Variants in SECISBP2 observed in about 807,000 individuals in gnomAD.
SECISBP2 encodes selenocysteine insertion sequence-binding protein 2.
Under a neutral mutation model 98.2 loss-of-function variants are expected in SECISBP2, and 96 were observed. That is an observed-to-expected ratio of 0.98 (90% CI 0.83 to 1.16). The LOEUF (loss-of-function observed/expected upper bound fraction) is 1.16. SECISBP2 is among the 50% of genes most tolerant of loss of function. The pLI is 0.00. For missense variants in SECISBP2, 1,046 were observed against 1,022.9 expected, an observed-to-expected ratio of 1.02 and a Z score of -0.31; for synonymous variants, 407 against 370.2, an observed-to-expected ratio of 1.10 and a Z score of -1.14.
At chr9:89,347,762 A>T (rs981360407) in intron 11 of SECISBP2, among the ~76,000 whole-genome samples, 1 of 152,038 alleles carries the variant, frequency 6.6e-6, no homozygotes, top group African/African-American at 2.4e-5. Flanking sequence ...ATGAGCCATC[A>T]CGCCCAGCCT....
chr9:89,356,972 C>G, intron 14 of SECISBP2: 1 of 285,314 alleles, frequency 3.5e-6, no homozygotes, highest in Non-Finnish European at 6.8e-6. Flanking sequence ...GGTCCCTGGC[C>G]CAGAAGCAGG....
At chr9:89,340,016 T>C in intron 9 of SECISBP2, 63 bp downstream of exon 9, 1 of 1,233,158 alleles carries the variant, frequency 8.1e-7, no homozygotes. Flanking sequence ...AACTAAATGC[T>C]TGAGAAAAAC....
intron 8 of SECISBP2, among the ~76,000 whole-genome samples, chr9:89,339,195 T>G (rs751094713): frequency 6.6e-6 from 1 of 152,250 alleles, no homozygotes; most frequent in African/African-American, 2.4e-5. Context: ...CCGAAGGCTC[T>G]CTCAGAGGTG....
intron 2 of SECISBP2, 161 bp from the exon 3 acceptor site, chr9:89,325,266 A>G: frequency 1.5e-6 from 1 of 669,908 alleles, no homozygotes; most frequent in Non-Finnish European, 2.5e-6. Context: ...GTGAGAAAGA[A>G]ACACCCAGAG....
At chr9:89,355,165 GTTC>G (rs959575412) in intron 14 of SECISBP2, 64 of 985,336 alleles carry the variant, frequency 6.5e-5, no homozygotes, top group Admixed American at 1.2e-4. Context: ...CATTGGAGAA[GTTC>G]TTCTCTTGAA....
downstream of SECISBP2, chr9:89,360,775 C>G (rs750990623): frequency 1.3e-5 from 2 of 152,088 alleles, no homozygotes; most frequent in Non-Finnish European, 2.9e-5. Flanking sequence ...GCGCCAAGTA[C>G]AGTCATTTAA....
chr9:89,333,935 T>TCG lies in SECISBP2; in HGVS notation c.881-586_881-585insGC. On this transcript the variant is annotated intron_variant, in intron 6 of 16. Coordinates refer to ENST00000375807, the MANE Select transcript of SECISBP2 (RefSeq NM_024077.5). ...TGTAGTTCTCTAGTGAGGGGAACAG[T>TCG]CTGTTTTACCCTTGGGGGTAGCCAC... 10 of 713,718 alleles carry TCG rather than the reference T, an allele frequency of 1.4e-5. No individual in the cohort carries two copies. In the South Asian group the frequency reaches 1.8e-4, roughly 13 times the overall value. 44.2% of individuals were successfully genotyped at this position (713,718 alleles called of 1,614,324 possible).
chr9:89,336,481 T>C (rs572480530), intron 7 of SECISBP2, among the ~76,000 whole-genome samples: 1 of 152,326 alleles, frequency 6.6e-6, no homozygotes, highest in South Asian at 2.1e-4. Context: ...AATGGTTTCC[T>C]GTCTTTTTGA....
chr9:89,335,811 A>G (rs1348310171), intron 7 of SECISBP2, among the ~76,000 whole-genome samples: 1 of 152,204 alleles, frequency 6.6e-6, no homozygotes, highest in African/African-American at 2.4e-5. Flanking sequence ...ATATCGACTT[A>G]AAATATCTGT....
intron 4 of SECISBP2, 59 bp from the exon 5 acceptor site, chr9:89,328,601 A>G: frequency 5.7e-6 from 8 of 1,410,192 alleles, no homozygotes; most frequent in East Asian, 2.3e-5. Flanking sequence ...TTTTGCTTGC[A>G]TACTGGTCAT....
rs1826630090 is a variant in SECISBP2, at chr9:89,326,003, A to G, written c.539A>G (p.His180Arg). ...SEIKSARGSH[H>R]LSIYAENSLK... Reference sequence around the variant, plus strand: ...ATAAAATCAGCTAGAGGTTCACATCATTTGTCCATTTACGCTGAGAATAGT... The same window carrying G: ...ATAAAATCAGCTAGAGGTTCACATCGTTTGTCCATTTACGCTGAGAATAGT... The change falls in exon 4 of 17, where the codon CAT becomes CGT. Residue 180 changes from histidine (H) to arginine (R), a missense_variant. Coordinates refer to ENST00000375807, the MANE Select transcript of SECISBP2 (RefSeq NM_024077.5). The G allele has an allele frequency of 6.2e-7, 1 of 1,613,718 alleles. No homozygotes were observed. The highest frequency in any genetic ancestry group is 8.5e-7 in the Non-Finnish European group (1 of 1,180,028).
chr9:89,340,582 A>C (rs1391893631), intron 9 of SECISBP2, among the ~76,000 whole-genome samples: 1 of 152,226 alleles, frequency 6.6e-6, no homozygotes, highest in Non-Finnish European at 1.5e-5. Context: ...GTTAACTTTC[A>C]ATTCAATGTT....
At chr9:89,364,708 C>CA in the SECISBP2 span, 7,737 of 153,374 alleles carry the variant, frequency 0.05, 259 homozygotes, top group South Asian at 0.096. Flanking sequence ...CACACACACT[C>CA]AGACCATCTG....
chr9:89,340,101 G>A lies in SECISBP2; in HGVS notation c.1302+148G>A, dbSNP rs912794221. ...TTCCTTCATGAGAGAACTGCACCCA[G>A]CATGTTGAAACAGAATTGCTCTTAA... On this transcript the variant is annotated intron_variant, in intron 9 of 16. Transcript: ENST00000375807. The A allele has an allele frequency of 8.7e-5, 55 of 635,582 alleles. No homozygotes were observed. The South Asian group carries it at 9.0e-4, about 10-fold the overall frequency. The allele number at this position is 635,582 out of a possible 1,614,324, so 39.4% of individuals were successfully genotyped here.
In SECISBP2 at chr9:89,319,546, C is replaced by T. The variant is rs566112725; in HGVS notation, c.37-106C>T. The T allele has an allele frequency of 8.7e-5, 112 of 1,286,300 alleles. 1 individual carries two copies. In the South Asian group the frequency reaches 1.3e-3, roughly 15 times the overall value. 79.7% of individuals were successfully genotyped at this position (1,286,300 alleles called of 1,614,324 possible). A position where few individuals can be genotyped will look rare whatever the true frequency, so the allele number is the denominator to read the frequency against. The stretch of plus-strand genomic sequence containing the variant: ...CGAGGCAGAAGTTTTTAAACAACAT[C>T]GGGAACATTTCTGGGGCTATTAGGA... On this transcript the variant is annotated intron_variant, in intron 1 of 16. Coordinates refer to ENST00000375807, the MANE Select transcript of SECISBP2 (RefSeq NM_024077.5).
downstream of SECISBP2, chr9:89,362,332 G>A: frequency 1.2e-6 from 2 of 1,613,754 alleles, no homozygotes; most frequent in South Asian, 2.2e-5. Context: ...CTTCTCCGGG[G>A]GTGGCTGTGG....
At chr9:89,362,462 G>A (rs1832842248), downstream of SECISBP2, 1 of 1,613,990 alleles carries the variant, frequency 6.2e-7, no homozygotes, top group African/African-American at 1.3e-5. Context: ...AATCCTTGGT[G>A]GAACGGATGG....
chr9:89,362,167 G>C, downstream of SECISBP2: 1 of 617,950 alleles, frequency 1.6e-6, no homozygotes, highest in Non-Finnish European at 2.8e-6. Flanking sequence ...ACTGTCCCAG[G>C]TAAGCACCTA....
intron 2 of SECISBP2, 186 bp from the exon 3 acceptor site, chr9:89,325,241 A>G (rs1826488359): frequency 3.2e-6 from 2 of 616,412 alleles, no homozygotes; most frequent in East Asian, 5.6e-5. Context: ...TAGAGTCAAC[A>G]TCTTTCTTTG....
Sources: gnomAD v4.1 joint callset for allele counts (sites outside exome capture counted in the v4.1 genomes callset) on GRCh38, gnomAD v4.1.1 for gene constraint, MANE v1.5 for transcripts, NCBI Gene and HGNC (gene_info 2026-07-23, HGNC 2026-07-21) for gene names.